SLC35D1: variants seen among roughly 807,000 people sequenced by gnomAD.
SLC35D1 encodes the protein solute carrier family 35 member D1, also known as nucleotide sugar transporter SLC35D1.
Under a neutral mutation model 46.7 loss-of-function variants are expected in SLC35D1, and 31 were observed. That is an observed-to-expected ratio of 0.66 (90% confidence interval 0.50 to 0.90). The LOEUF is 0.90. Among genes scored for constraint, SLC35D1 ranks in the 40% least tolerant of loss-of-function variants. SLC35D1 has a pLI of 0.00. For synonymous variants in SLC35D1, 195 were observed against 164.6 expected (o/e 1.18, Z -1.41); for missense variants, 397 against 426.2 (o/e 0.93, Z 0.60).
At chr1:66,986,104 G>T in the SLC35D1 span, 1 of 1,093,834 alleles carries the variant, frequency 9.1e-7, no homozygotes, top group Non-Finnish European at 1.1e-6. Context: ...AGGAACAACT[G>T]TTGGCAGGCA....
At chr1:66,990,382 C>T in the SLC35D1 span, among the ~76,000 whole-genome samples, 1 of 152,298 alleles carries the variant, frequency 6.6e-6, no homozygotes, top group Admixed American at 6.5e-5. Flanking sequence ...TGAAGGGAAT[C>T]CTCCCACCTC....
At chr1:67,051,886 A>C (rs1645313122) in intron 4 of SLC35D1, 126 bp downstream of exon 4, 1 of 692,134 alleles carries the variant, frequency 1.4e-6, no homozygotes, top group Admixed American at 2.5e-5. Flanking sequence ...TTTAGTAGTA[A>C]TAGAAGCTTT....
At chr1:66,979,805 A>G in the SLC35D1 span, among the ~76,000 whole-genome samples, 14 of 149,548 alleles carry the variant, frequency 9.4e-5, no homozygotes, top group Non-Finnish European at 1.8e-4. Context: ...CCTGTTGCCC[A>G]GGCTGCTGGA....
At chr1:66,976,744 G>A in the SLC35D1 span, 1 of 1,551,324 alleles carries the variant, frequency 6.4e-7, no homozygotes, top group South Asian at 1.2e-5. Context: ...TTTTCCTTAA[G>A]AGCTATATAT....
chr1:66,975,918 CTG>C, the SLC35D1 span, among the ~76,000 whole-genome samples: 2 of 152,146 alleles, frequency 1.3e-5, no homozygotes, highest in Non-Finnish European at 2.9e-5. Context: ...TACCCGTACT[CTG>C]TGAGTAAAAG....
chr1:67,042,127 G>T, intron 8 of SLC35D1, 109 bp downstream of exon 8: 2 of 1,030,502 alleles, frequency 1.9e-6, no homozygotes, highest in South Asian at 1.3e-5. Flanking sequence ...CTCAGTTTTT[G>T]GTCACTTAAT....
downstream of SLC35D1, among the ~76,000 whole-genome samples, chr1:66,995,756 A>G (rs1272172116): frequency 6.6e-6 from 1 of 152,160 alleles, no homozygotes; most frequent in African/African-American, 2.4e-5. Flanking sequence ...CCATTTCTCC[A>G]AGGAAACCTT....
chr1:67,029,007 A>G (rs571041028), intron 8 of SLC35D1, among the ~76,000 whole-genome samples: 2 of 152,300 alleles, frequency 1.3e-5, no homozygotes, highest in South Asian at 4.1e-4. Flanking sequence ...TTGATTTTCT[A>G]GTACCTTAAT....
At position 67,042,345 on chromosome 1, in the gene SLC35D1, T is replaced by G; in HGVS notation, c.637-17A>C. 2.5e-6 allele frequency: 4 copies of G among 1,610,096 alleles called. No homozygotes were observed. Among genetic ancestry groups the G allele is most frequent in the Non-Finnish European group, 3.4e-6 (4 of 1,176,334 alleles). ...TCCCAGCTCCTAGGACAGTAAATAATTAGGTGTTTCATCTGCGTTTTGTTC... is the reference window on the plus strand; with the variant it reads ...TCCCAGCTCCTAGGACAGTAAATAAGTAGGTGTTTCATCTGCGTTTTGTTC... On this transcript the variant is annotated splice_polypyrimidine_tract_variant and intron_variant, in intron 7 of 11. Coordinates refer to ENST00000235345, the MANE Select transcript of SLC35D1 (RefSeq NM_015139.3).
At chr1:66,993,669 C>T in the SLC35D1 span, among the ~76,000 whole-genome samples, 1 of 152,156 alleles carries the variant, frequency 6.6e-6, no homozygotes, top group Non-Finnish European at 1.5e-5. Flanking sequence ...ACAAATACCA[C>T]TGTCCAACAA....
At chr1:67,029,036 T>G (rs888783515) in intron 8 of SLC35D1, among the ~76,000 whole-genome samples, 1 of 152,206 alleles carries the variant, frequency 6.6e-6, no homozygotes, top group African/African-American at 2.4e-5. Context: ...GTAAACCCTG[T>G]CCGTGTTATT....
At position 66,999,801 on chromosome 1, in the gene SLC35D1, C is replaced by G. The variant is rs753981785; in HGVS notation, c.*4539G>C. ...AAACAGTAATGGTGCCAGGGACTCA[C>G]AATATATGACAACTGAGACAGGCCT... On this transcript the variant is annotated 3_prime_UTR_variant, in exon 12 of 12. Transcript: ENST00000235345. The G allele has an allele frequency of 6.6e-6, 1 of 151,966 alleles. No individual in the cohort carries two copies. Among genetic ancestry groups the G allele is most frequent in the Non-Finnish European group, 1.5e-5 (1 of 68,026 alleles). The allele number at this position is 151,966 out of a possible 1,614,324, so 9.4% of individuals were successfully genotyped here. A position where few individuals can be genotyped will look rare whatever the true frequency, so the allele number is the denominator to read the frequency against.
At position 67,000,398 on chromosome 1, in the gene SLC35D1, ATAGG is replaced by A. The variant is rs1667314669; in HGVS notation, c.*3938_*3941del. On this transcript the variant is annotated 3_prime_UTR_variant, in exon 12 of 12. Coordinates refer to ENST00000235345, the MANE Select transcript of SLC35D1 (RefSeq NM_015139.3). ...AAAGAAATTTTGTTCTTTTTAAAAAATAGGTAGAATCACCTGCATCATGTAATGG... is the reference window on the plus strand; with the variant it reads ...AAAGAAATTTTGTTCTTTTTAAAAAATAGAATCACCTGCATCATGTAATGG... The A allele has an allele frequency of 6.6e-6, 1 of 152,056 alleles. No homozygotes were observed. Among genetic ancestry groups the A allele is most frequent in the African/African-American group, 2.4e-5 (1 of 41,352 alleles). 9.4% of individuals were successfully genotyped at this position (152,056 alleles called of 1,614,324 possible).
chr1:66,985,814 A>ATTTTTTTTTTTTTTTTTTTTTT, the SLC35D1 span: 1 of 578,690 alleles, frequency 1.7e-6, no homozygotes, highest in Non-Finnish European at 2.1e-6. Context: ...GGATTATAAA[A>ATTTTTTTTTTTTTTTTTTTTTT]TTTTTTTTTT....
At chr1:67,041,169 A>AT (rs977832095) in intron 8 of SLC35D1, among the ~76,000 whole-genome samples, 3 of 151,888 alleles carry the variant, frequency 2.0e-5, no homozygotes, top group Admixed American at 1.3e-4. Context: ...TTCTTGTCCC[A>AT]TTTTTTTTCA....
downstream of SLC35D1, among the ~76,000 whole-genome samples, chr1:66,998,764 A>G (rs1361854196): frequency 6.6e-6 from 1 of 152,232 alleles, no homozygotes; most frequent in Non-Finnish European, 1.5e-5. Context: ...GTACGATTCC[A>G]CTTATATAAA....
chr1:67,053,785 C>G (rs896658049), intron 1 of SLC35D1, 26 bp downstream of exon 1: 4 of 1,545,100 alleles, frequency 2.6e-6, no homozygotes, highest in Non-Finnish European at 3.5e-6. Flanking sequence ...CCTCCGCGGC[C>G]TGGGCCGCCG....
the SLC35D1 span, chr1:66,984,511 A>T: frequency 8.5e-7 from 1 of 1,181,626 alleles, no homozygotes; most frequent in Non-Finnish European, 1.2e-6. Context: ...GCTGTTTTAT[A>T]ATAGTTTGCA....
At chr1:67,021,191 A>G (rs1199574346) in intron 9 of SLC35D1, among the ~76,000 whole-genome samples, 2 of 152,258 alleles carry the variant, frequency 1.3e-5, no homozygotes, top group Non-Finnish European at 2.9e-5. Context: ...AAATGCTGCC[A>G]CTGCCACCTA....
Sources: allele counts gnomAD v4.1 joint callset (sites outside exome capture counted in the v4.1 genomes callset), GRCh38; gene constraint gnomAD v4.1.1; transcripts MANE v1.5; gene names NCBI Gene and HGNC (gene_info 2026-07-23, HGNC 2026-07-21).